Variants in MAZ observed in about 807,000 individuals in gnomAD.
MAZ encodes the protein myc-associated zinc finger protein.
A neutral mutation model predicts 32.7 loss-of-function variants in MAZ; 4 were observed. That is an observed-to-expected ratio of 0.12 (90% CI 0.06 to 0.28). The LOEUF (loss-of-function observed/expected upper bound fraction) is 0.28, where lower values mean the gene tolerates loss of function less well. Ranked by LOEUF, MAZ falls within the 10% of genes least tolerant of loss-of-function variation. MAZ has a pLI of 1.00. For missense variants in MAZ, 763 were observed against 667.2 expected (o/e 1.14, Z -1.58); for synonymous variants, 510 against 297.6 (o/e 1.71, Z -7.35).
upstream of MAZ, chr16:29,806,124 ACCTC>A (rs748314397): frequency 3.7e-3 from 1,725 of 462,736 alleles, no homozygotes; most frequent in Non-Finnish European, 4.5e-3. Flanking sequence ...AGCGCGAGCC[ACCTC>A]CCTCCCTCCC....
Position 29,807,214 on chromosome 16 carries a change from C to G in MAZ, c.429C>G (p.Pro143=). 8.0e-7 allele frequency: 1 copy of G among 1,245,464 alleles called. No individual in the cohort carries two copies. The highest frequency in any genetic ancestry group is 1.0e-6 in the Non-Finnish European group (1 of 985,516). The allele number at this position is 1,245,464 out of a possible 1,614,324, so 77.2% of individuals were successfully genotyped here. A position where few individuals can be genotyped will look rare whatever the true frequency, so the allele number is the denominator to read the frequency against. The stretch of plus-strand genomic sequence containing the variant: ...CGCCACCCCCGCCAGTGTCGGCGCC[C>G]GCGGCCGAGGCCGCGCCCCCCGCCT... The part of the protein sequence containing the change: ...PPPPPPPVSA[P]AAEAAPPASA... Residue 143 remains proline (P), a synonymous_variant, in exon 2 of 5, where the codon CCC becomes CCG. Transcript: ENST00000322945.
At position 29,806,900 on chromosome 16, in the gene MAZ, A is replaced by C; in HGVS notation, c.192+7A>C. The C allele has an allele frequency of 2.3e-6, 3 of 1,302,168 alleles. No individual in the cohort carries two copies. Among genetic ancestry groups the C allele is most frequent in the Non-Finnish European group, 2.0e-6 (2 of 1,012,490 alleles). 80.7% of individuals were successfully genotyped at this position (1,302,168 alleles called of 1,614,324 possible). Reference sequence around the variant, plus strand: ...CGCCCAGAGTCCATTCCAGGTGAGTAGGGCCGGCCGCGGCGGCCCGGGCTG... The same window carrying C: ...CGCCCAGAGTCCATTCCAGGTGAGTCGGGCCGGCCGCGGCGGCCCGGGCTG... On this transcript the variant is annotated splice_region_variant and intron_variant, in intron 1 of 4. Coordinates refer to ENST00000322945, the MANE Select transcript of MAZ (RefSeq NM_002383.4).
Position 29,808,387 on chromosome 16 carries a change from CT to C in MAZ, c.1107+96del, listed in dbSNP as rs1212783935. The C allele has an allele frequency of 4.5e-6, 6 of 1,319,966 alleles. No individual in the cohort carries two copies. The East Asian group carries it at 1.4e-4, about 31-fold the overall frequency. The allele number at this position is 1,319,966 out of a possible 1,614,324, so 81.8% of individuals were successfully genotyped here. On this transcript the variant is annotated intron_variant, in intron 3 of 4. Transcript: ENST00000322945. ...TCTCTCAGACCCCCTTTTTCTCTCT[CT>C]TCTTTTTGCCTTTTTGCTCCATTTT...
rs757107607 is a variant in MAZ at position 29,806,885 on chromosome 16, C to T, written c.184C>T (p.Pro62Ser). ...TGCCTCCCAGGGCTGCGCCCAGAGTCCATTCCAGGTGAGTAGGGCCGGCCG... is the reference window on the plus strand; with the variant it reads ...TGCCTCCCAGGGCTGCGCCCAGAGTTCATTCCAGGTGAGTAGGGCCGGCCG... ...FFASQGCAQSPFQAAPAPPPT... is the reference protein window; with the variant it reads ...FFASQGCAQSSFQAAPAPPPT... Residue 62 changes from proline to serine, a missense_variant, in exon 1 of 5, where the codon CCA becomes TCA. Pro to Ser is a moderately conservative substitution (Grantham distance 74). Transcript: ENST00000322945. 1 of 1,412,824 alleles carries T rather than the reference C, an allele frequency of 7.1e-7. No homozygotes were observed. The highest frequency in any genetic ancestry group is 1.4e-5 in the South Asian group (1 of 73,836). 87.5% of individuals were successfully genotyped at this position (1,412,824 alleles called of 1,614,324 possible).
chr16:29,808,316 T>A, intron 3 of MAZ, 23 bp downstream of exon 3: 5 of 1,608,324 alleles, frequency 3.1e-6, no homozygotes, highest in Non-Finnish European at 4.3e-6. Context: ...CCTCCTCCTG[T>A]CTTGGTTTTC....
intron 4 of MAZ, chr16:29,808,964 G>A (rs1165957739): frequency 1.6e-5 from 9 of 572,344 alleles, no homozygotes; most frequent in African/African-American, 7.6e-5. Flanking sequence ...GAACCTCCTG[G>A]TAATGTGTGG....
At chr16:29,809,513 G>GC in intron 4 of MAZ, 17 of 1,103,536 alleles carry the variant, frequency 1.5e-5, no homozygotes, top group Non-Finnish European at 2.1e-5. Flanking sequence ...GCTGACCCCC[G>GC]CCCCATCCCA....
intron 4 of MAZ, chr16:29,809,857 G>A (rs1488673644): frequency 3.1e-6 from 3 of 974,238 alleles, no homozygotes; most frequent in African/African-American, 1.6e-5. Context: ...GAAGGCGAGG[G>A]ATGCCCATGT....
rs757372201 is a variant in MAZ at position 29,810,052 on chromosome 16, G to GA, written c.1280-24dup. ...GCTCTTGCCATTCAGATCGCGCTGT[G>GA]ATCCGTGGTGTTTCTCCTGTGCAGG... On this transcript the variant is annotated intron_variant, in intron 4 of 4. Transcript: ENST00000322945. 8.2e-6 allele frequency: 13 copies of GA among 1,593,736 alleles called. No individual in the cohort carries two copies. In the African/African-American group the frequency reaches 1.8e-4, roughly 22 times the overall value.
intron 4 of MAZ, chr16:29,809,809 G>GCCCC: frequency 9.1e-7 from 1 of 1,098,546 alleles, no homozygotes. Context: ...GGGGTGTGGG[G>GCCCC]GACAACGGGG....
At position 29,810,115 on chromosome 16, in the gene MAZ, G is replaced by A. The variant is rs1309321339; in HGVS notation, c.1318G>A (p.Ala440Thr). ...EVCPMAAAAAAAAAAAAAAVA... is the reference protein window; with the variant it reads ...EVCPMAAAAATAAAAAAAAVA... ...TTGTCCAATGGCGGCGGCAGCGGCA[G>A]CGGCGGCAGCGGCAGCAGCGGCAGC... The change falls in exon 5 of 5, where the codon GCG becomes ACG. Residue 440 changes from alanine to threonine, a missense_variant. Coordinates refer to ENST00000322945, the MANE Select transcript of MAZ (RefSeq NM_002383.4). 6.3e-7 allele frequency: 1 copy of A among 1,594,180 alleles called. No individual in the cohort carries two copies. Among genetic ancestry groups the A allele is most frequent in the Non-Finnish European group, 8.5e-7 (1 of 1,170,400 alleles).
chr16:29,809,883 G>T, intron 4 of MAZ, 194 bp from the exon 5 acceptor site: 1 of 1,080,584 alleles, frequency 9.3e-7, no homozygotes, highest in Non-Finnish European at 1.3e-6. Context: ...TCAGGCTAGG[G>T]AGACTTCTGG....
chr16:29,808,606 C>T lies in MAZ; in HGVS notation c.1144C>T (p.Arg382Trp), dbSNP rs781675071. 2 of 1,612,698 alleles carry T rather than the reference C, an allele frequency of 1.2e-6. No individual in the cohort carries two copies. Among genetic ancestry groups the T allele is most frequent in the Admixed American group, 1.7e-5 (1 of 59,888 alleles). Residue 382 changes from arginine (R) to tryptophan (W), a missense_variant, in exon 4 of 5, where the codon CGG (arginine) becomes TGG (tryptophan). Arg to Trp is a moderately radical substitution (Grantham distance 101). Transcript: ENST00000322945. ...AGCTTTCGCCACGAAGGATCGGCTG[C>T]GGGCGCACACAGTACGACACGAGGA... Reference protein sequence around the residue: ...EAAFATKDRLRAHTVRHEEKV... With the variant: ...EAAFATKDRLWAHTVRHEEKV...
Position 29,810,450 on chromosome 16 carries a change from C to A in MAZ, c.*219C>A. The A allele has an allele frequency of 1.4e-6, 1 of 716,412 alleles. No individual in the cohort carries two copies. Among genetic ancestry groups the A allele is most frequent in the Non-Finnish European group, 2.5e-6 (1 of 397,528 alleles). 44.4% of individuals were successfully genotyped at this position (716,412 alleles called of 1,614,324 possible). A position where few individuals can be genotyped will look rare whatever the true frequency, so the allele number is the denominator to read the frequency against. On this transcript the variant is annotated 3_prime_UTR_variant, in exon 5 of 5. Coordinates refer to ENST00000322945, the MANE Select transcript of MAZ (RefSeq NM_002383.4). ...CAGACCTGACCCCACACAAACCTGT[C>A]CCCTCGGTTGTGTTGAAGTCCCCTG...
chr16:29,809,862 C>T, intron 4 of MAZ: 1 of 985,918 alleles, frequency 1.0e-6, no homozygotes, highest in Non-Finnish European at 1.5e-6. Context: ...CGAGGGATGC[C>T]CATGTACCAC....
At chr16:29,809,658 G>A in intron 4 of MAZ, 10 of 1,586,318 alleles carry the variant, frequency 6.3e-6, no homozygotes, top group Non-Finnish European at 8.6e-6. Flanking sequence ...CCCCTGCCCA[G>A]CTGGCCGGCC....
At chr16:29,808,910 C>T (rs1899729225) in intron 4 of MAZ, 169 bp downstream of exon 4, 7 of 625,958 alleles carry the variant, frequency 1.1e-5, no homozygotes, top group African/African-American at 5.5e-5. Context: ...CATCATTAGA[C>T]TCTAAGAAGT....
In MAZ at chr16:29,810,290, C is replaced by G. The variant is rs538935150; in HGVS notation, c.*59C>G. 1.3e-6 allele frequency: 2 copies of G among 1,483,108 alleles called. No homozygotes were observed. Among genetic ancestry groups the G allele is most frequent in the Admixed American group, 2.0e-5 (1 of 50,950 alleles). 91.9% of individuals were successfully genotyped at this position (1,483,108 alleles called of 1,614,324 possible). ...GGAGTAGAGTCCCTTGGTACAAGCT[C>G]CTCTCCCCCCTCTTTTCCCACCAAC... On this transcript the variant is annotated 3_prime_UTR_variant, in exon 5 of 5. Coordinates refer to ENST00000322945, the MANE Select transcript of MAZ (RefSeq NM_002383.4).
At chr16:29,808,130 C>G (rs1414892423) in intron 2 of MAZ, 100 bp from the exon 3 acceptor site, 1 of 1,153,152 alleles carries the variant, frequency 8.7e-7, no homozygotes, top group Non-Finnish European at 1.3e-6. Flanking sequence ...GCCTGGGCTC[C>G]GGGAGGAGGC....
Sources: allele counts gnomAD v4.1 joint callset, GRCh38; gene constraint gnomAD v4.1.1; transcripts MANE v1.5; gene names NCBI Gene and HGNC (gene_info 2026-07-23, HGNC 2026-07-21).